The following HS1BP3 variants were observed in gnomAD, a reference collection of about 807,000 sequenced individuals.
The protein encoded by HS1BP3 is HCLS1-binding protein 3.
Under a neutral mutation model 33.5 loss-of-function variants are expected in HS1BP3, and 32 were observed. The ratio of observed to expected loss-of-function variants is 0.95; its 90% CI spans 0.72 to 1.28. The LOEUF is 1.28. Among genes scored for constraint, HS1BP3 ranks in the 50% most tolerant of loss-of-function variants. The pLI is 0.00. For synonymous variants in HS1BP3, 187 were observed against 209.2 expected (o/e 0.89, Z 0.92); for missense variants, 486 against 502.3 (o/e 0.97, Z 0.31).
At chr2:20,597,155 G>A (rs780148422) in intron 3 of HS1BP3, among the ~76,000 whole-genome samples, 3 of 152,188 alleles carry the variant, frequency 2.0e-5, no homozygotes. Context: ...GCAGCATGAG[G>A]CCCTTGGCCA....
At chr2:20,564,858 A>G (rs1227025904) in intron 5 of HS1BP3, among the ~76,000 whole-genome samples, 1 of 152,176 alleles carries the variant, frequency 6.6e-6, no homozygotes, top group Non-Finnish European at 1.5e-5. Context: ...AGGTACTGCC[A>G]CACTGTATGG....
chr2:20,625,588 T>A (rs1694754814), intron 4 of HS1BP3, among the ~76,000 whole-genome samples: 1 of 152,228 alleles, frequency 6.6e-6, no homozygotes, highest in African/African-American at 2.4e-5. Context: ...AGTTAACACT[T>A]GGGTTCTGTG....
intron 3 of HS1BP3, among the ~76,000 whole-genome samples, chr2:20,597,417 G>A (rs7340497): frequency 0.12 from 17,915 of 152,144 alleles, 1,119 homozygotes; most frequent in African/African-American, 0.16. Flanking sequence ...GGGCCTTCCT[G>A]GTTCTACCAC....
intron 2 of HS1BP3, among the ~76,000 whole-genome samples, chr2:20,641,397 A>T (rs988701775): frequency 6.6e-6 from 1 of 152,200 alleles, no homozygotes; most frequent in African/African-American, 2.4e-5. Context: ...GCCCAGAGGA[A>T]AGATGCAATA....
intron 3 of HS1BP3, among the ~76,000 whole-genome samples, chr2:20,597,767 T>G (rs1471334956): frequency 2.6e-5 from 4 of 152,216 alleles, no homozygotes; most frequent in Non-Finnish European, 5.9e-5. Flanking sequence ...ACTGAGATCA[T>G]AGATGGTTCT....
chr2:20,605,195 C>T (rs536941995), intron 2 of HS1BP3, among the ~76,000 whole-genome samples: 2 of 152,282 alleles, frequency 1.3e-5, no homozygotes, highest in Non-Finnish European at 2.9e-5. Flanking sequence ...CACGAGCTTC[C>T]CAAACCTGGG....
intron 5 of HS1BP3, among the ~76,000 whole-genome samples, chr2:20,569,037 C>A (rs115221710): frequency 6.6e-6 from 1 of 152,082 alleles, no homozygotes; most frequent in Non-Finnish European, 1.5e-5. Flanking sequence ...CCAATGAGCC[C>A]GGCAGCTAGG....
chr2:20,616,754 C>T (rs1694435137), downstream of HS1BP3, among the ~76,000 whole-genome samples: 1 of 152,076 alleles, frequency 6.6e-6, no homozygotes, highest in Admixed American at 6.5e-5. Flanking sequence ...TTTTAAAGGA[C>T]AATCCTCTCC....
At chr2:20,609,998 A>T (rs925432768) in intron 2 of HS1BP3, among the ~76,000 whole-genome samples, 1 of 152,218 alleles carries the variant, frequency 6.6e-6, no homozygotes, top group Non-Finnish European at 1.5e-5. Context: ...TTGGGGCAGC[A>T]GGCATCTTCT....
At chr2:20,624,061 AG>A in intron 5 of HS1BP3, 30 bp from the exon 6 acceptor site, 1 of 1,607,072 alleles carries the variant, frequency 6.2e-7, no homozygotes, top group Non-Finnish European at 8.5e-7. Context: ...GGGGGGTCAG[AG>A]GAAGCCTCTA....
downstream of HS1BP3, among the ~76,000 whole-genome samples, chr2:20,555,893 C>T (rs890864491): frequency 3.9e-5 from 6 of 152,230 alleles, no homozygotes; most frequent in Non-Finnish European, 8.8e-5. Flanking sequence ...CCCCACTTCA[C>T]CTCTGCATAC....
At chr2:20,567,593 C>T (rs534026289) in intron 5 of HS1BP3, among the ~76,000 whole-genome samples, 92 of 152,318 alleles carry the variant, frequency 6.0e-4, no homozygotes, top group African/African-American at 2.1e-3. Flanking sequence ...ACCTACTTCC[C>T]CCCCAGACAC....
rs137899799 is a variant in HS1BP3, at chr2:20,571,393, G to T, written c.303-10878C>A. Among the ~76,000 whole-genome samples the T allele has an allele frequency of 2.7e-3, 412 of 152,234 alleles. 3 individuals are homozygous for T. The highest frequency in any genetic ancestry group is 9.6e-3 in the African/African-American group (398 of 41,550). On this transcript the variant is annotated intron_variant, in intron 5 of 5. Coordinates refer to the HS1BP3 transcript ENST00000446825. ...CACCCCATGCACCTCCAGACTCTTGGAGCCAGAGGCCTGTGAGGCAGCCCG... is the reference window on the plus strand; with the variant it reads ...CACCCCATGCACCTCCAGACTCTTGTAGCCAGAGGCCTGTGAGGCAGCCCG...
intron 2 of HS1BP3, among the ~76,000 whole-genome samples, 168 bp from the exon 3 acceptor site, chr2:20,641,348 C>T (rs16987938): frequency 0.015 from 2,299 of 152,238 alleles, 42 homozygotes; most frequent in African/African-American, 0.045. Context: ...GTCCTTAACA[C>T]GCCTGGCCGA....
At chr2:20,564,731 G>A (rs913199295) in intron 5 of HS1BP3, among the ~76,000 whole-genome samples, 2 of 152,112 alleles carry the variant, frequency 1.3e-5, no homozygotes, top group African/African-American at 4.8e-5. Flanking sequence ...TAATCTGCCC[G>A]CCTCAGCCTC....
intron 5 of HS1BP3, among the ~76,000 whole-genome samples, chr2:20,572,456 T>C (rs1290591331): frequency 6.6e-6 from 1 of 152,226 alleles, no homozygotes; most frequent in African/African-American, 2.4e-5. Flanking sequence ...TTAAGTTTGT[T>C]ATACAGAGAG....
rs749997504 is a variant in HS1BP3 at position 20,619,220 on chromosome 2, G to C, written c.946C>G (p.Leu316Val). 35 of 1,611,004 alleles carry C rather than the reference G, an allele frequency of 2.2e-5. No homozygotes were observed. Among genetic ancestry groups the C allele is most frequent in the Non-Finnish European group, 3.4e-6 (4 of 1,178,344 alleles). ...GGTTTGGGCTCAGCTCCCAGGTTCAGAATCTGGTCCAAGTCCTCTTCAACT... is the reference window on the plus strand; with the variant it reads ...GGTTTGGGCTCAGCTCCCAGGTTCACAATCTGGTCCAAGTCCTCTTCAACT... ...FRVEEDLDQI[L>V]NLGAEPKPKP... Residue 316 changes from leucine (L) to valine (V), a missense_variant, in exon 7 of 7, where the codon CTG becomes GTG. Coordinates refer to ENST00000304031, the MANE Select transcript of HS1BP3 (RefSeq NM_022460.4).
At chr2:20,615,598 T>A (rs2149287796), downstream of HS1BP3, among the ~76,000 whole-genome samples, 1 of 152,354 alleles carries the variant, frequency 6.6e-6, no homozygotes, top group Non-Finnish European at 1.5e-5. Flanking sequence ...AGGACCACTA[T>A]GTGGGGACAT....
chr2:20,622,601 C>T (rs80116987), intron 6 of HS1BP3: 4,925 of 316,780 alleles, frequency 0.016, 252 homozygotes, highest in African/African-American at 0.098. Flanking sequence ...CACTGTACCA[C>T]GTTCTGCAGA....
Sources: gnomAD v4.1 joint callset for allele counts (sites outside exome capture counted in the v4.1 genomes callset) on GRCh38, gnomAD v4.1.1 for gene constraint, MANE v1.5 for transcripts, NCBI Gene and HGNC (gene_info 2026-07-23, HGNC 2026-07-21) for gene names.